DPH6: variants seen among roughly 807,000 people sequenced by gnomAD.
DPH6 encodes the protein diphthine--ammonia ligase.
DPH6 carries 33 observed loss-of-function variants against 38.2 expected under a neutral mutation model. The observed-to-expected ratio is 0.86, with a 90% CI of 0.65 to 1.15. The LOEUF (loss-of-function observed/expected upper bound fraction) is 1.15. Among genes scored for constraint, DPH6 ranks in the 50% most tolerant of loss-of-function variants. DPH6 has a pLI of 0.00. For missense variants in DPH6, 325 were observed against 320.0 expected, an observed-to-expected ratio of 1.02 and a Z score of -0.12; for synonymous variants, 108 against 103.0, an observed-to-expected ratio of 1.05 and a Z score of -0.30.
chr15:35,180,716 G>T, the DPH6 span, among the ~76,000 whole-genome samples: 1 of 151,670 alleles, frequency 6.6e-6, no homozygotes, highest in Non-Finnish European at 1.5e-5. Context: ...TTGAACTCCT[G>T]GACTCAAGAG....
chr15:35,261,270 T>C (rs2140418150), intron 3 of DPH6, among the ~76,000 whole-genome samples: 1 of 152,342 alleles, frequency 6.6e-6, no homozygotes, highest in South Asian at 2.1e-4. Context: ...CACCATTCTC[T>C]TTGCTGTCAT....
At chr15:35,250,450 A>G (rs1040880823) in intron 3 of DPH6, among the ~76,000 whole-genome samples, 1 of 152,178 alleles carries the variant, frequency 6.6e-6, no homozygotes, top group Non-Finnish European at 1.5e-5. Context: ...TTATTTTTCC[A>G]TTAATATTCA....
intron 5 of DPH6, among the ~76,000 whole-genome samples, chr15:35,444,918 A>T (rs1181572242): frequency 2.6e-5 from 4 of 152,206 alleles, no homozygotes; most frequent in African/African-American, 9.6e-5. Flanking sequence ...ATATCAAGAC[A>T]GCAGAGACAA....
intron 3 of DPH6, among the ~76,000 whole-genome samples, chr15:35,526,059 T>C (rs1419772870): frequency 6.6e-6 from 1 of 152,018 alleles, no homozygotes; most frequent in Non-Finnish European, 1.5e-5. Context: ...TGGATAAGGG[T>C]TAAAGATGTC....
intron 3 of DPH6, among the ~76,000 whole-genome samples, chr15:35,455,045 G>A (rs1471923432): frequency 6.6e-6 from 1 of 152,068 alleles, no homozygotes; most frequent in Non-Finnish European, 1.5e-5. Context: ...TTAAATAACT[G>A]AGATCCCTTT....
At chr15:35,498,979 A>G (rs2054591973) in intron 3 of DPH6, among the ~76,000 whole-genome samples, 1 of 150,392 alleles carries the variant, frequency 6.6e-6, no homozygotes, top group Non-Finnish European at 1.5e-5. Flanking sequence ...ATCCCGTTAT[A>G]TATGTTAATA....
chr15:35,228,821 T>C (rs2051499234), intron 3 of DPH6, among the ~76,000 whole-genome samples: 1 of 152,246 alleles, frequency 6.6e-6, no homozygotes, highest in Non-Finnish European at 1.5e-5. Flanking sequence ...GATAATTTTG[T>C]TGGATATATT....
chr15:35,542,988 T>TG (rs200009688), intron 1 of DPH6, among the ~76,000 whole-genome samples: 750 of 47,660 alleles, frequency 0.016, 4 homozygotes, highest in Non-Finnish European at 0.026. Context: ...TAGAAATTAT[T>TG]GGGAAAAAAA....
the DPH6 span, among the ~76,000 whole-genome samples, chr15:35,182,762 A>T: frequency 1.3e-5 from 2 of 152,170 alleles, no homozygotes; most frequent in African/African-American, 4.8e-5. Context: ...GTAGGTGATC[A>T]GGTATAGGTT....
chr15:35,199,689 A>G, the DPH6 span, among the ~76,000 whole-genome samples: 1 of 151,952 alleles, frequency 6.6e-6, no homozygotes, highest in African/African-American at 2.4e-5. Context: ...GTTTTTATCT[A>G]GAGATTGCTT....
At chr15:35,438,218 TG>T (rs1260964840) in intron 5 of DPH6, among the ~76,000 whole-genome samples, 1 of 152,218 alleles carries the variant, frequency 6.6e-6, no homozygotes. Flanking sequence ...CATTTTGTCT[TG>T]CCACCCTTAA....
chr15:35,191,618 A>C, the DPH6 span, among the ~76,000 whole-genome samples: 1 of 152,212 alleles, frequency 6.6e-6, no homozygotes, highest in Non-Finnish European at 1.5e-5. Context: ...TGCTGAGATT[A>C]AAACCAATGC....
At chr15:35,418,810 C>G (rs1368172926) in intron 5 of DPH6, among the ~76,000 whole-genome samples, 1 of 151,998 alleles carries the variant, frequency 6.6e-6, no homozygotes. Context: ...AGGTTTATCT[C>G]TTCAGTACAG....
At chr15:35,339,299 T>C (rs1472594418) in intron 3 of DPH6, among the ~76,000 whole-genome samples, 3 of 151,136 alleles carry the variant, frequency 2.0e-5, no homozygotes, top group African/African-American at 4.9e-5. Context: ...AACTTCTTCA[T>C]TTCTGCCTTA....
intron 5 of DPH6, among the ~76,000 whole-genome samples, chr15:35,413,507 A>G (rs911486458): frequency 6.6e-6 from 1 of 151,724 alleles, no homozygotes; most frequent in African/African-American, 2.4e-5. Flanking sequence ...TTCTTGATGG[A>G]ATTATTCTGC....
chr15:35,435,694 G>T (rs546844763), intron 5 of DPH6, among the ~76,000 whole-genome samples: 1 of 152,112 alleles, frequency 6.6e-6, no homozygotes, highest in Non-Finnish European at 1.5e-5. Flanking sequence ...ATTTTTCTTG[G>T]TTGTGAGACA....
intron 5 of DPH6, among the ~76,000 whole-genome samples, chr15:35,421,522 T>C (rs1444276702): frequency 6.6e-6 from 1 of 152,178 alleles, no homozygotes; most frequent in Non-Finnish European, 1.5e-5. Context: ...TTTTGGGGTG[T>C]ACAGAACAAA....
intron 3 of DPH6, among the ~76,000 whole-genome samples, chr15:35,531,456 T>G (rs770290261): frequency 5.3e-5 from 8 of 152,134 alleles, no homozygotes; most frequent in African/African-American, 9.7e-5. Context: ...ATGGCTCCCC[T>G]GTATCCGATA....
chr15:35,321,162 T>C lies in DPH6; in HGVS notation n.200+52359A>G, dbSNP rs563232993. Among the ~76,000 whole-genome samples, 16 of 152,352 alleles carry C rather than the reference T, an allele frequency of 1.1e-4. No homozygotes were observed. In the South Asian group the frequency reaches 1.7e-3, roughly 16 times the overall value. The stretch of plus-strand genomic sequence containing the variant: ...CCTTCCTAATCTTGTGGTCTTTCAA[T>C]AGGTTTACAAAGGCAGTTTAGCTTT... On this transcript the variant is annotated intron_variant and non_coding_transcript_variant, in intron 3 of 3. Transcript: ENST00000560386.
Sources: gnomAD v4.1 joint callset for allele counts (sites outside exome capture counted in the v4.1 genomes callset) on GRCh38, gnomAD v4.1.1 for gene constraint, MANE v1.5 for transcripts, NCBI Gene and HGNC (gene_info 2026-07-23, HGNC 2026-07-21) for gene names.